Variants in SCMH1 observed in about 807,000 individuals in gnomAD.
The protein encoded by SCMH1 is polycomb protein SCMH1.
In SCMH1, 37 loss-of-function variants were observed where a neutral mutation model predicts 70.8. The observed-to-expected ratio is 0.52, with a 90% CI of 0.40 to 0.69. SCMH1 has a LOEUF of 0.69. Among genes scored for constraint, SCMH1 ranks in the 30% least tolerant of loss-of-function variants. The pLI, the probability that SCMH1 is intolerant of heterozygous loss-of-function variation, is 0.00. For synonymous variants in SCMH1, 292 were observed against 307.4 expected (o/e 0.95, Z 0.52); for missense variants, 607 against 827.3 (o/e 0.73, Z 3.27).
chr1:41,195,869 G>A (rs770244889), intron 1 of SCMH1, among the ~76,000 whole-genome samples: 8 of 152,146 alleles, frequency 5.3e-5, no homozygotes, highest in Non-Finnish European at 7.4e-5. Flanking sequence ...CAGCAAAGTT[G>A]CGGGATACAA....
At chr1:41,094,721 T>C (rs1214403944) in intron 8 of SCMH1, among the ~76,000 whole-genome samples, 1 of 151,980 alleles carries the variant, frequency 6.6e-6, no homozygotes, top group East Asian at 1.9e-4. Flanking sequence ...AAACCCCGTC[T>C]CTACTAAAAA....
intron 1 of SCMH1, among the ~76,000 whole-genome samples, chr1:41,220,876 A>G (rs947938642): frequency 6.6e-6 from 1 of 152,260 alleles, no homozygotes; most frequent in Non-Finnish European, 1.5e-5. Context: ...TGGAACCAGG[A>G]CTAATACCAT....
chr1:41,038,713 CT>C (rs1464258576), intron 12 of SCMH1, among the ~76,000 whole-genome samples: 1 of 152,042 alleles, frequency 6.6e-6, no homozygotes, highest in Non-Finnish European at 1.5e-5. Flanking sequence ...AAAGATAAGT[CT>C]GAGGGTCCAT....
intron 12 of SCMH1, among the ~76,000 whole-genome samples, chr1:41,040,724 C>T (rs111580163): frequency 0.079 from 11,955 of 151,922 alleles, 597 homozygotes; most frequent in South Asian, 0.13. Context: ...ATTAGCCGGG[C>T]GTGGTGGTGC....
chr1:41,028,691 G>A lies in SCMH1; in HGVS notation c.1714C>T (p.Arg572Ter). Residue 572 changes from arginine to a stop codon, truncating the protein, a stop_gained, in exon 14 of 15, where the codon CGA (arginine) becomes TGA (stop). Transcript: ENST00000337495. LOFTEE classifies it high-confidence loss of function. ...GAGGAGGGGTCCCGGCCACTCAGTCGAGAGGCATCGCGGCTCTCCAGGTAT... is the reference window on the plus strand; with the variant it reads ...GAGGAGGGGTCCCGGCCACTCAGTCAAGAGGCATCGCGGCTCTCCAGGTAT... 3 of 1,614,142 alleles carry A rather than the reference G, an allele frequency of 1.9e-6. No individual in the cohort carries two copies. Among genetic ancestry groups the A allele is most frequent in the Non-Finnish European group, 1.7e-6 (2 of 1,180,030 alleles).
intron 5 of SCMH1, among the ~76,000 whole-genome samples, chr1:41,148,048 T>G (rs1644742110): frequency 6.6e-6 from 1 of 152,180 alleles, no homozygotes; most frequent in African/African-American, 2.4e-5. Flanking sequence ...ATAAAACATT[T>G]TGCTATTTTT....
At chr1:41,090,879 A>G (rs1663237042) in intron 8 of SCMH1, among the ~76,000 whole-genome samples, 1 of 152,000 alleles carries the variant, frequency 6.6e-6, no homozygotes, top group East Asian at 1.9e-4. Context: ...CTCTACTAAA[A>G]ATACAAAAAA....
At chr1:41,186,961 C>T (rs1374590161) in intron 1 of SCMH1, among the ~76,000 whole-genome samples, 2 of 152,150 alleles carry the variant, frequency 1.3e-5, no homozygotes, top group Non-Finnish European at 2.9e-5. Flanking sequence ...CACATGATCA[C>T]AGGACAAATG....
chr1:41,077,626 AG>A (rs1399658567), intron 8 of SCMH1, among the ~76,000 whole-genome samples: 3 of 152,174 alleles, frequency 2.0e-5, no homozygotes, highest in Non-Finnish European at 4.4e-5. Context: ...GCAGTGTTTC[AG>A]GGCTAAGGAG....
chr1:41,206,983 C>G (rs1271171541), intron 1 of SCMH1, among the ~76,000 whole-genome samples: 1 of 152,194 alleles, frequency 6.6e-6, no homozygotes, highest in Non-Finnish European at 1.5e-5. Flanking sequence ...TACAGACAAG[C>G]AAATGCTCAG....
chr1:41,187,730 G>A (rs2148648823), intron 1 of SCMH1, among the ~76,000 whole-genome samples: 2 of 151,380 alleles, frequency 1.3e-5, no homozygotes, highest in South Asian at 4.2e-4. Context: ...GAACTCAAGA[G>A]TTCGAGACCA....
intron 6 of SCMH1, among the ~76,000 whole-genome samples, chr1:41,118,728 A>T (rs1671159810): frequency 6.6e-6 from 1 of 152,366 alleles, no homozygotes; most frequent in Non-Finnish European, 1.5e-5. Flanking sequence ...TCATTATTAC[A>T]GTTAGGTCTT....
chr1:41,224,417 T>C (rs1223114280), intron 1 of SCMH1, among the ~76,000 whole-genome samples: 1 of 152,194 alleles, frequency 6.6e-6, no homozygotes, highest in Admixed American at 6.5e-5. Flanking sequence ...CCATTTTCCC[T>C]ATAGCAACTA....
intron 10 of SCMH1, among the ~76,000 whole-genome samples, chr1:41,051,049 T>A (rs1454226372): frequency 6.6e-6 from 1 of 152,116 alleles, no homozygotes; most frequent in Non-Finnish European, 1.5e-5. Flanking sequence ...AACCCCAAAC[T>A]AGAAGCAACC....
At chr1:41,038,300 G>A (rs756593953) in intron 12 of SCMH1, among the ~76,000 whole-genome samples, 2 of 152,198 alleles carry the variant, frequency 1.3e-5, no homozygotes, top group Non-Finnish European at 2.9e-5. Context: ...CCAGGCGGCA[G>A]CACCCAATCA....
chr1:41,107,784 C>CCA (rs1668355398), intron 8 of SCMH1, among the ~76,000 whole-genome samples: 1 of 152,210 alleles, frequency 6.6e-6, no homozygotes, highest in Non-Finnish European at 1.5e-5. Context: ...TCCCAAAGTG[C>CCA]TGGGATTACA....
intron 5 of SCMH1, among the ~76,000 whole-genome samples, chr1:41,144,841 C>T (rs909835091): frequency 3.3e-5 from 5 of 152,136 alleles, no homozygotes; most frequent in Non-Finnish European, 5.9e-5. Flanking sequence ...TAGCATTTCT[C>T]TAATGACTAC....
intron 12 of SCMH1, among the ~76,000 whole-genome samples, chr1:41,042,721 A>G (rs914849884): frequency 3.9e-5 from 6 of 152,152 alleles, no homozygotes; most frequent in African/African-American, 1.4e-4. Flanking sequence ...CTCTGCTTTC[A>G]CCACATACAT....
intron 6 of SCMH1, among the ~76,000 whole-genome samples, chr1:41,122,731 TAATATTAC>T (rs1672250547): frequency 6.6e-6 from 1 of 152,330 alleles, no homozygotes; most frequent in African/African-American, 2.4e-5. Context: ...GTGGCTAAGT[TAATATTAC>T]AAAGTCAGAT....
Sources: allele counts gnomAD v4.1 joint callset (sites outside exome capture counted in the v4.1 genomes callset), GRCh38; gene constraint gnomAD v4.1.1; transcripts MANE v1.5; gene names NCBI Gene and HGNC (gene_info 2026-07-23, HGNC 2026-07-21).